CALY: variants seen among roughly 807,000 people sequenced by gnomAD.
The protein encoded by CALY is neuron-specific vesicular protein calcyon.
CALY carries 15 observed loss-of-function variants against 20.2 expected under a neutral mutation model. The ratio of observed to expected loss-of-function variants is 0.74; its 90% CI spans 0.50 to 1.14. The LOEUF (loss-of-function observed/expected upper bound fraction) is 1.14, where lower values mean the gene tolerates loss of function less well. CALY is among the 50% of genes most tolerant of loss of function. The pLI, the probability that CALY is intolerant of heterozygous loss-of-function variation, is 0.00. For synonymous variants in CALY, 129 were observed against 131.8 expected, an observed-to-expected ratio of 0.98 and a Z score of 0.15; for missense variants, 270 against 304.4, an observed-to-expected ratio of 0.89 and a Z score of 0.84.
intron 1 of CALY, among the ~76,000 whole-genome samples, chr10:133,329,831 G>C (rs2133379296): frequency 6.6e-6 from 1 of 151,196 alleles, no homozygotes; most frequent in Non-Finnish European, 1.5e-5. Context: ...ACGCGGTATG[G>C]GACGTGCTTA....
chr10:133,335,496 C>A (rs780780103), intron 1 of CALY, among the ~76,000 whole-genome samples: 226 of 152,344 alleles, frequency 1.5e-3, no homozygotes, highest in Admixed American at 2.4e-3. Flanking sequence ...CGCAGACAGG[C>A]CCGAGACGCG....
chr10:133,330,350 CAAAAAAAAAAAAAAAA>C (rs59986083), intron 1 of CALY, among the ~76,000 whole-genome samples: 1 of 36,750 alleles, frequency 2.7e-5, no homozygotes, highest in Admixed American at 4.6e-4. Context: ...GAAACTCTGC[CAAAAAAAAAAAAAAAA>C]AAAAAAAAAG....
At chr10:133,329,121 GC>G in intron 1 of CALY, 112 bp from the exon 2 acceptor site, 1 of 906,318 alleles carries the variant, frequency 1.1e-6, no homozygotes, top group Non-Finnish European at 1.6e-6. Context: ...TCACACCAGA[GC>G]CAGGGACAGG....
intron 3 of CALY, chr10:133,327,648 G>T (rs965589868): frequency 3.3e-6 from 2 of 611,606 alleles, no homozygotes; most frequent in Non-Finnish European, 5.9e-6. Context: ...CAGCACTCGC[G>T]GGCACTTCCC....
In CALY at chr10:133,325,968, T is replaced by A. The variant is rs774616887; in HGVS notation, c.513A>T (p.Ala171=). The part of the protein sequence containing the change: ...TPAAWGDGYR[A]AKEERKGPTQ... ...TGGGCCCCTTGCGCTCCTCCTTGGC[T>A]GCGCGGTAGCCGTCCCCCCAGGCCG... The change falls in exon 5 of 6, where the codon GCA becomes GCT. Residue 171 remains alanine, a synonymous_variant. Coordinates refer to ENST00000252939, the MANE Select transcript of CALY (RefSeq NM_015722.4). 3.9e-6 allele frequency: 6 copies of A among 1,541,932 alleles called. No individual in the cohort carries two copies. Among genetic ancestry groups the A allele is most frequent in the Admixed American group, 3.9e-5 (2 of 51,126 alleles).
chr10:133,324,344 G>C lies in CALY; in HGVS notation c.*1251C>G, dbSNP rs1848168658. 1 of 455,944 alleles carries C rather than the reference G, an allele frequency of 2.2e-6. No individual in the cohort carries two copies. The allele number at this position is 455,944 out of a possible 1,614,324, so 28.2% of individuals were successfully genotyped here. On this transcript the variant is annotated 3_prime_UTR_variant, in exon 6 of 6. Transcript: ENST00000252939. ...GCAGGCCCAGTTCACAGGCTTCCTGGGCACTGCCGCTGTTCCAAAGCAGGC... is the reference window on the plus strand; with the variant it reads ...GCAGGCCCAGTTCACAGGCTTCCTGCGCACTGCCGCTGTTCCAAAGCAGGC...
chr10:133,326,028 G>A lies in CALY; in HGVS notation c.453C>T (p.Tyr151=), dbSNP rs754156077. ...CCGTGCCGTGCTTGCGGCTCAGCGG[G>A]TAGGCCCCGATGGCCGCCAGGATGC... ...HRSILAAIGA[Y]PLSRKHGTET... The change falls in exon 5 of 6, where the codon TAC becomes TAT. Residue 151 remains tyrosine, a synonymous_variant. Coordinates refer to ENST00000252939, the MANE Select transcript of CALY (RefSeq NM_015722.4). 4.4e-6 allele frequency: 7 copies of A among 1,588,766 alleles called. No homozygotes were observed. The South Asian group carries it at 4.6e-5, about 10-fold the overall frequency.
rs1848456060 is a variant in CALY at position 133,336,842 on chromosome 10, C to T, written c.-29G>A. 6.6e-6 allele frequency: 1 copy of T among 152,414 alleles called. No individual in the cohort carries two copies. Among genetic ancestry groups the T allele is most frequent in the Admixed American group, 6.5e-5 (1 of 15,286 alleles). The allele number at this position is 152,414 out of a possible 1,614,324, so 9.4% of individuals were successfully genotyped here. On this transcript the variant is annotated 5_prime_UTR_variant, in exon 1 of 6. Coordinates refer to ENST00000252939, the MANE Select transcript of CALY (RefSeq NM_015722.4). ...ATGTGGAAATAGCTCACAGGCGGCT[C>T]CACTGGCAGCTGCTGCAGGACGCGG...
At position 133,325,987 on chromosome 10, in the gene CALY, C is replaced by A. The variant is rs532141151; in HGVS notation, c.494G>T (p.Trp165Leu). The A allele has an allele frequency of 1.3e-6, 2 of 1,558,472 alleles. No individual in the cohort carries two copies. Among genetic ancestry groups the A allele is most frequent in the Non-Finnish European group, 1.7e-6 (2 of 1,151,250 alleles). Reference sequence around the variant, plus strand: ...CTTGGCTGCGCGGTAGCCGTCCCCCCAGGCCGCCGGCGTCTCCGTGCCGTG... The same window carrying A: ...CTTGGCTGCGCGGTAGCCGTCCCCCAAGGCCGCCGGCGTCTCCGTGCCGTG... The part of the protein sequence containing the change: ...RKHGTETPAA[W>L]GDGYRAAKEE... Residue 165 changes from tryptophan to leucine, a missense_variant, in exon 5 of 6, where the codon TGG becomes TTG. Trp to Leu is a moderately conservative substitution (Grantham distance 61, BLOSUM62 -2). Coordinates refer to ENST00000252939, the MANE Select transcript of CALY (RefSeq NM_015722.4).
In CALY at chr10:133,328,032, C is replaced by A; in HGVS notation, c.136-17G>T. The stretch of plus-strand genomic sequence containing the variant: ...GATGACCACCTGTGAAAAGAGATGG[C>A]CATGGCCTCAGTAGGCAGCTGGCAG... On this transcript the variant is annotated splice_polypyrimidine_tract_variant and intron_variant, in intron 2 of 5. Transcript: ENST00000252939. 1 of 1,517,890 alleles carries A rather than the reference C, an allele frequency of 6.6e-7. No individual in the cohort carries two copies. The highest frequency in any genetic ancestry group is 1.4e-5 in the African/African-American group (1 of 73,128). The allele number at this position is 1,517,890 out of a possible 1,614,324, so 94.0% of individuals were successfully genotyped here. A position where few individuals can be genotyped will look rare whatever the true frequency, so the allele number is the denominator to read the frequency against.
In CALY at chr10:133,328,911, C is replaced by T. The variant is rs1369894248; in HGVS notation, c.79G>A (p.Val27Met). 6.4e-7 allele frequency: 1 copy of T among 1,554,872 alleles called. No homozygotes were observed. The highest frequency in any genetic ancestry group is 1.2e-5 in the South Asian group (1 of 84,500). The change falls in exon 2 of 6, where the codon GTG becomes ATG. Residue 27 changes from valine to methionine, a missense_variant. Transcript: ENST00000252939. ...GDQDGAAMDS[V>M]PLISPLDISQ... ...ATGTCCAAGGGGCTGATCAGAGGCACACTGTCCATGGCAGCCCCATCCTGG... is the reference window on the plus strand; with the variant it reads ...ATGTCCAAGGGGCTGATCAGAGGCATACTGTCCATGGCAGCCCCATCCTGG...
At position 133,324,148 on chromosome 10, in the gene CALY, C is replaced by A; in HGVS notation, c.*1447G>T. 3.1e-6 allele frequency: 1 copy of A among 324,650 alleles called. No individual in the cohort carries two copies. Among genetic ancestry groups the A allele is most frequent in the Non-Finnish European group, 6.1e-6 (1 of 163,006 alleles). The allele number at this position is 324,650 out of a possible 1,614,324, so 20.1% of individuals were successfully genotyped here. On this transcript the variant is annotated 3_prime_UTR_variant, in exon 6 of 6. Coordinates refer to ENST00000252939, the MANE Select transcript of CALY (RefSeq NM_015722.4). ...TGCCCCCATATATCCCAGCTGACGC[C>A]CCAGGCCCCGGGCCCCCCTCCCTTG...
chr10:133,333,095 G>A (rs1391071200), intron 1 of CALY, among the ~76,000 whole-genome samples: 2 of 151,774 alleles, frequency 1.3e-5, no homozygotes, highest in Non-Finnish European at 2.9e-5. Flanking sequence ...GCCAGGCTCC[G>A]CTGTGGGTTC....
intron 1 of CALY, among the ~76,000 whole-genome samples, chr10:133,331,564 G>A (rs1848309146): frequency 6.6e-6 from 1 of 152,150 alleles, no homozygotes; most frequent in Non-Finnish European, 1.5e-5. Flanking sequence ...TGTAAAAAGA[G>A]CTGAGGAGCA....
At position 133,327,975 on chromosome 10, in the gene CALY, G is replaced by A; in HGVS notation, c.176C>T (p.Pro59Leu). Residue 59 changes from proline to leucine, a missense_variant, in exon 3 of 6, where the codon CCA becomes CTA. By Grantham distance (98) the Pro-to-Leu change is moderately conservative. Coordinates refer to ENST00000252939, the MANE Select transcript of CALY (RefSeq NM_015722.4). ...CAGGTCAGGGAAATTCTGCTGGTCT[G>A]GGGAGGACAGCTGGTATTCTGTCTG... ...KTQTEYQLSS[P>L]DQQNFPDLEG... The A allele has an allele frequency of 6.2e-7, 1 of 1,612,506 alleles. No homozygotes were observed. Among genetic ancestry groups the A allele is most frequent in the Non-Finnish European group, 8.5e-7 (1 of 1,179,266 alleles).
At chr10:133,326,177 C>A (rs1848206076) in intron 4 of CALY, 57 bp from the exon 5 acceptor site, 8 of 1,565,544 alleles carry the variant, frequency 5.1e-6, no homozygotes, top group Non-Finnish European at 6.9e-6. Flanking sequence ...GCGCCCCGGG[C>A]CCAGGCCCTC....
chr10:133,326,131 G>A lies in CALY; in HGVS notation c.361-11C>T, dbSNP rs2275723. The stretch of plus-strand genomic sequence containing the variant: ...CGTGCAGATCTTGTGCTGCGGGAGG[G>A]GCCGGGTCAGGGTCGGTGGGGCTGA... On this transcript the variant is annotated splice_polypyrimidine_tract_variant and intron_variant, in intron 4 of 5. Transcript: ENST00000252939. 166,971 of 1,591,104 alleles carry A rather than the reference G, an allele frequency of 0.1. 9,526 individuals carry two copies. The highest frequency in any genetic ancestry group is 0.18 in the Admixed American group (10,476 of 58,618).
chr10:133,332,641 A>C (rs1313239250), intron 1 of CALY, among the ~76,000 whole-genome samples: 1 of 152,150 alleles, frequency 6.6e-6, no homozygotes, highest in African/African-American at 2.4e-5. Context: ...TCCCTCAAAA[A>C]TACATCCAAG....
intron 1 of CALY, among the ~76,000 whole-genome samples, chr10:133,335,625 C>G (rs1001548070): frequency 1.3e-5 from 2 of 152,126 alleles, no homozygotes; most frequent in Non-Finnish European, 2.9e-5. Context: ...TGGGGTCCAA[C>G]CCCCCCACCC....
Sources: allele counts gnomAD v4.1 joint callset (sites outside exome capture counted in the v4.1 genomes callset), GRCh38; gene constraint gnomAD v4.1.1; transcripts MANE v1.5; gene names NCBI Gene and HGNC (gene_info 2026-07-23, HGNC 2026-07-21).